Variants in CNBD1 observed in about 807,000 individuals in gnomAD.
CNBD1 encodes the protein cyclic nucleotide binding domain containing 1.
CNBD1 carries 71 observed loss-of-function variants against 54.4 expected under a neutral mutation model. That is an observed-to-expected ratio of 1.30 (90% CI 1.08 to 1.59). The LOEUF is 1.59. CNBD1 is among the 40% of genes most tolerant of loss of function. The probability of loss-of-function intolerance (pLI) is 0.00; values close to 1 mark genes in which losing one functional copy is unlikely to be tolerated. For synonymous variants in CNBD1, 182 were observed against 170.7 expected (o/e 1.07, Z -0.51); for missense variants, 659 against 518.0 (o/e 1.27, Z -2.64).
intron 4 of CNBD1, among the ~76,000 whole-genome samples, chr8:87,157,406 C>A (rs1232925542): frequency 6.6e-6 from 1 of 152,146 alleles, no homozygotes; most frequent in African/African-American, 2.4e-5. Context: ...TTGCAGAATG[C>A]AGGCCCAAAG....
At chr8:86,989,712 A>G (rs1808698977) in intron 4 of CNBD1, among the ~76,000 whole-genome samples, 1 of 152,090 alleles carries the variant, frequency 6.6e-6, no homozygotes, top group Admixed American at 6.5e-5. Context: ...CGGCCTCCCA[A>G]AGTGTTAGGA....
At chr8:87,389,884 T>C (rs984716778) in intron 2 of CNBD1, among the ~76,000 whole-genome samples, 3 of 152,180 alleles carry the variant, frequency 2.0e-5, no homozygotes, top group Admixed American at 6.5e-5. Flanking sequence ...AGCATGGTAC[T>C]GGTACCTAAA....
chr8:86,960,713 C>G (rs1034055225), intron 4 of CNBD1, among the ~76,000 whole-genome samples: 2 of 152,156 alleles, frequency 1.3e-5, no homozygotes, highest in African/African-American at 4.8e-5. Context: ...CCCTGAGTAG[C>G]CTAACTGGGA....
intron 4 of CNBD1, among the ~76,000 whole-genome samples, chr8:87,024,783 G>C (rs561476004): frequency 1.3e-5 from 2 of 152,196 alleles, no homozygotes; most frequent in South Asian, 4.2e-4. Flanking sequence ...AGATAATTTT[G>C]TAACTTTGCT....
chr8:87,324,348 C>A (rs907244726), intron 8 of CNBD1, among the ~76,000 whole-genome samples: 2 of 126,210 alleles, frequency 1.6e-5, no homozygotes, highest in Non-Finnish European at 3.6e-5. Context: ...CCCTCTTTTT[C>A]TATTGATTGG....
At chr8:87,097,901 A>G (rs1454509526) in intron 4 of CNBD1, among the ~76,000 whole-genome samples, 1 of 152,200 alleles carries the variant, frequency 6.6e-6, no homozygotes, top group Non-Finnish European at 1.5e-5. Flanking sequence ...GTTGTGACAT[A>G]CAATCCTTGT....
intron 2 of CNBD1, among the ~76,000 whole-genome samples, chr8:87,397,067 A>G (rs1811420682): frequency 6.6e-6 from 1 of 151,502 alleles, no homozygotes; most frequent in East Asian, 1.9e-4. Flanking sequence ...TTTTTGATCT[A>G]TCTCTAGACT....
At chr8:87,081,741 C>T (rs938271545) in intron 4 of CNBD1, among the ~76,000 whole-genome samples, 2 of 151,914 alleles carry the variant, frequency 1.3e-5, no homozygotes, top group South Asian at 2.1e-4. Context: ...CTCTTGACCT[C>T]GTGATCTGCC....
chr8:86,926,202 C>T (rs1809357765), intron 3 of CNBD1, among the ~76,000 whole-genome samples: 3 of 152,174 alleles, frequency 2.0e-5, no homozygotes, highest in Admixed American at 2.0e-4. Flanking sequence ...CAGCTGGCCT[C>T]ACCTCTCAAT....
intron 1 of CNBD1, among the ~76,000 whole-genome samples, chr8:86,880,839 G>A (rs995516749): frequency 1.3e-5 from 2 of 152,144 alleles, no homozygotes; most frequent in African/African-American, 2.4e-5. Flanking sequence ...GATCAAGGAG[G>A]CTTCATCTCT....
At chr8:86,911,368 A>C (rs919179841) in intron 3 of CNBD1, among the ~76,000 whole-genome samples, 6 of 152,202 alleles carry the variant, frequency 3.9e-5, no homozygotes, top group African/African-American at 1.4e-4. Context: ...CCATATCAAA[A>C]GTTTAAGGAA....
intron 4 of CNBD1, among the ~76,000 whole-genome samples, chr8:87,198,209 T>C (rs760780792): frequency 1.2e-4 from 19 of 152,220 alleles, no homozygotes; most frequent in Admixed American, 5.2e-4. Context: ...CCTTGAATCA[T>C]AGCAGCTATG....
chr8:86,870,598 C>T (rs1196102315), intron 1 of CNBD1, among the ~76,000 whole-genome samples: 2 of 152,064 alleles, frequency 1.3e-5, no homozygotes, highest in Non-Finnish European at 2.9e-5. Context: ...CATTCCTAAG[C>T]GTTCAAAGGC....
chr8:87,063,190 T>C (rs1420263226), intron 4 of CNBD1, among the ~76,000 whole-genome samples: 1 of 152,208 alleles, frequency 6.6e-6, no homozygotes, highest in Non-Finnish European at 1.5e-5. Context: ...CAAGTAACTT[T>C]GGAACTTAGC....
At chr8:87,016,142 C>T (rs1010584884) in intron 4 of CNBD1, among the ~76,000 whole-genome samples, 1 of 151,840 alleles carries the variant, frequency 6.6e-6, no homozygotes, top group Non-Finnish European at 1.5e-5. Flanking sequence ...CAAAAGCTAG[C>T]TCAGATGCCT....
chr8:86,988,377 AT>A (rs1808658330), intron 4 of CNBD1, among the ~76,000 whole-genome samples: 2 of 151,802 alleles, frequency 1.3e-5, no homozygotes, highest in African/African-American at 2.4e-5. Context: ...ATTAAAAATT[AT>A]TTTTATTTTT....
Position 87,182,307 on chromosome 8 carries a change from T to C in CNBD1, c.432-23686T>C, listed in dbSNP as rs1281844586. On this transcript the variant is annotated intron_variant, in intron 4 of 10. Transcript: ENST00000518476. This position sits in a 1 kb window ranked among gnomAD's most constrained non-coding sequence, Gnocchi z 4.1. ...TATCCAGTTTACCATTGATGGGTAT[T>C]TAGGTTGATTCCATGTCTTTGCTAC... Among the ~76,000 whole-genome samples, 1 of 152,154 alleles carries C rather than the reference T, an allele frequency of 6.6e-6. No homozygotes were observed. The highest frequency in any genetic ancestry group is 1.5e-5 in the Non-Finnish European group (1 of 68,010).
At chr8:87,361,467 G>A (rs1175772900) in intron 10 of CNBD1, among the ~76,000 whole-genome samples, 2 of 151,554 alleles carry the variant, frequency 1.3e-5, no homozygotes, top group African/African-American at 4.8e-5. Context: ...AGATGATATA[G>A]CTTACCATTA....
intron 2 of CNBD1, among the ~76,000 whole-genome samples, chr8:87,397,992 C>A (rs750883361): frequency 3.3e-5 from 5 of 151,896 alleles, no homozygotes; most frequent in Non-Finnish European, 7.4e-5. Flanking sequence ...CCTCCCCAGC[C>A]ATGTGGAACT....
Sources: gnomAD v4.1 joint callset for allele counts (sites outside exome capture counted in the v4.1 genomes callset) on GRCh38, gnomAD v4.1.1 for gene constraint, Gnocchi (gnomAD v3.1) non-coding constraint, MANE v1.5 for transcripts, NCBI Gene and HGNC (gene_info 2026-07-23, HGNC 2026-07-21) for gene names.